AFAP1: variants seen among roughly 807,000 people sequenced by gnomAD.
AFAP1 encodes actin filament-associated protein 1.
A neutral mutation model predicts 93.9 loss-of-function variants in AFAP1; 75 were observed. The observed-to-expected ratio is 0.80, with a 90% CI of 0.66 to 0.97. AFAP1 has a LOEUF of 0.97. AFAP1 is among the 50% of genes least tolerant of loss of function. The pLI is 0.00. For synonymous variants in AFAP1, 517 were observed against 430.7 expected, an observed-to-expected ratio of 1.20 and a Z score of -2.48; for missense variants, 1,201 against 1,050.8, an observed-to-expected ratio of 1.14 and a Z score of -1.98.
chr4:7,931,101 C>T (rs543714615), intron 1 of AFAP1, among the ~76,000 whole-genome samples: 1 of 152,296 alleles, frequency 6.6e-6, no homozygotes, highest in African/African-American at 2.4e-5. Context: ...ACGTGGGCAA[C>T]AGGAGGAGCG....
In AFAP1 at chr4:7,875,176, C is replaced by T. The variant is rs147915919; in HGVS notation, c.-2-3096G>A. On this transcript the variant is annotated intron_variant, in intron 1 of 17. Transcript: ENST00000420658. ...TAAGCAAAAAAGTTTGAGAGCTGCTCGTCTGTGGGATTCTTCCAAATCTAC... is the reference window on the plus strand; with the variant it reads ...TAAGCAAAAAAGTTTGAGAGCTGCTTGTCTGTGGGATTCTTCCAAATCTAC... Among the ~76,000 whole-genome samples, 15 of 152,280 alleles carry T rather than the reference C, an allele frequency of 9.9e-5. No homozygotes were observed. In the East Asian group the frequency reaches 2.7e-3, roughly 27 times the overall value.
In AFAP1 at chr4:7,778,808, C is replaced by T. The variant is rs775279803; in HGVS notation, c.1851G>A (p.Gln617=). Residue 617 remains glutamine, a synonymous_variant, in exon 14 of 18, where the codon CAG becomes CAA. Transcript: ENST00000420658. ...VTGKGKTLSS[Q]PKKADPAAVV... ...CAGCCGCGGGATCCGCTTTCTTTGG[C>T]TGACTGCTCAGAGTCTTCCCTTTTC... 1.9e-6 allele frequency: 3 copies of T among 1,614,230 alleles called. No individual in the cohort carries two copies. The highest frequency in any genetic ancestry group is 2.5e-6 in the Non-Finnish European group (3 of 1,180,044).
intron 3 of AFAP1, among the ~76,000 whole-genome samples, chr4:7,865,480 T>G (rs1209844050): frequency 6.6e-6 from 1 of 152,256 alleles, no homozygotes; most frequent in Non-Finnish European, 1.5e-5. Context: ...GTTCTGACTA[T>G]GCCAGTAGAA....
At chr4:7,789,687 A>C (rs1717675553) in intron 11 of AFAP1, among the ~76,000 whole-genome samples, 6 of 114,076 alleles carry the variant, frequency 5.3e-5, no homozygotes, top group Admixed American at 2.8e-4. Flanking sequence ...TATCCTCACC[A>C]CCCCATCCAT....
intron 4 of AFAP1, 74 bp downstream of exon 4, chr4:7,855,392 C>T (rs1714931323): frequency 2.5e-6 from 3 of 1,216,356 alleles, no homozygotes; most frequent in Non-Finnish European, 3.5e-6. Flanking sequence ...CCTTCCTACC[C>T]AGAAAGGGGA....
At chr4:7,782,909 A>G (rs544304244) in intron 12 of AFAP1, among the ~76,000 whole-genome samples, 1 of 152,290 alleles carries the variant, frequency 6.6e-6, no homozygotes, top group Non-Finnish European at 1.5e-5. Context: ...CCTAGCATAT[A>G]TTTGTCCAGA....
At chr4:7,855,620 G>C in intron 3 of AFAP1, 46 bp from the exon 4 acceptor site, 1 of 1,455,530 alleles carries the variant, frequency 6.9e-7, no homozygotes, top group Non-Finnish European at 9.6e-7. Context: ...ATGACCATTA[G>C]AAGGAAATTC....
In AFAP1 at chr4:7,801,914, C is replaced by CAAAAAAAAAAAAAA. The variant is rs531684652; in HGVS notation, c.1055-1275_1055-1262dup. ...TGAGCAACACAGTGAGACCCTATCA[C>CAAAAAAAAAAAAAA]AAAAAAAAAAAAAAAAAAAAAAAAA... On this transcript the variant is annotated intron_variant, in intron 9 of 17. Coordinates refer to ENST00000420658, the MANE Select transcript of AFAP1 (RefSeq NM_001134647.2). 8.3e-4 allele frequency among the ~76,000 whole-genome samples: 54 copies of CAAAAAAAAAAAAAA among 65,198 alleles called. 2 individuals carry two copies. Among genetic ancestry groups the CAAAAAAAAAAAAAA allele is most frequent in the East Asian group, 4.7e-3 (5 of 1,070 alleles). The allele number at this position is 65,198 out of a possible 152,430, so 42.8% of individuals were successfully genotyped here.
intron 6 of AFAP1, among the ~76,000 whole-genome samples, chr4:7,823,838 A>G (rs1163803049): frequency 1.3e-5 from 2 of 152,232 alleles, no homozygotes; most frequent in Non-Finnish European, 2.9e-5. Context: ...AACCCAGAGC[A>G]GGCCCAGGAT....
Position 7,807,696 on chromosome 4 carries a change from G to A in AFAP1, c.1054+1918C>T, listed in dbSNP as rs529846038. The stretch of plus-strand genomic sequence containing the variant: ...TGCAAGACTCCTTCAACCACATGAC[G>A]CCTTCACTGCTGTCTGCCCAGACAA... On this transcript the variant is annotated intron_variant, in intron 9 of 17. Transcript: ENST00000420658. 7.9e-5 allele frequency among the ~76,000 whole-genome samples: 12 copies of A among 152,296 alleles called. 1 individual carries two copies. The South Asian group carries it at 1.9e-3, about 24-fold the overall frequency.
chr4:7,913,298 G>A (rs1719878630), intron 1 of AFAP1, among the ~76,000 whole-genome samples: 1 of 151,390 alleles, frequency 6.6e-6, no homozygotes, highest in South Asian at 2.1e-4. Context: ...GCTGAGGTGG[G>A]AGGATCTCTT....
In AFAP1 at chr4:7,932,766, A is replaced by G. The variant is rs1302210901; in HGVS notation, c.-3+6890T>C. On this transcript the variant is annotated intron_variant, in intron 1 of 17. Coordinates refer to ENST00000420658, the MANE Select transcript of AFAP1 (RefSeq NM_001134647.2). Reference sequence around the variant, plus strand: ...CTTCATGGCAGTGGCTCACGCCTGTAATTCCAGCATTTTGGAAGGCCAAGG... The same window carrying G: ...CTTCATGGCAGTGGCTCACGCCTGTGATTCCAGCATTTTGGAAGGCCAAGG... Among the ~76,000 whole-genome samples, 3 of 152,160 alleles carry G rather than the reference A, an allele frequency of 2.0e-5. No homozygotes were observed. The East Asian group carries it at 5.8e-4, about 29-fold the overall frequency.
At chr4:7,893,674 A>G (rs1718605046) in intron 1 of AFAP1, among the ~76,000 whole-genome samples, 1 of 151,648 alleles carries the variant, frequency 6.6e-6, no homozygotes, top group Admixed American at 6.6e-5. Context: ...GTGCTTCTCA[A>G]CCTTTCCTGG....
At chr4:7,795,647 G>A (rs181673735) in intron 10 of AFAP1, among the ~76,000 whole-genome samples, 11 of 151,778 alleles carry the variant, frequency 7.2e-5, no homozygotes, top group African/African-American at 2.7e-4. Context: ...GGATGGTCTC[G>A]ATCTCCTGAC....
chr4:7,782,184 G>C (rs1432279378), intron 12 of AFAP1, among the ~76,000 whole-genome samples: 2 of 152,244 alleles, frequency 1.3e-5, no homozygotes, highest in Non-Finnish European at 2.9e-5. Flanking sequence ...GAAAAAGGGG[G>C]AAATGGAAGC....
intron 6 of AFAP1, among the ~76,000 whole-genome samples, chr4:7,824,652 A>C (rs1428439816): frequency 6.6e-6 from 1 of 152,258 alleles, no homozygotes; most frequent in African/African-American, 2.4e-5. Flanking sequence ...CGTTTCACAG[A>C]AAGTCAAATC....
intron 8 of AFAP1, 42 bp from the exon 9 acceptor site, chr4:7,809,805 A>G (rs1040060783): frequency 1.3e-6 from 2 of 1,572,476 alleles, no homozygotes; most frequent in African/African-American, 1.4e-5. Context: ...TTTTAATTGT[A>G]GATATTAATT....
Position 7,868,606 on chromosome 4 carries a change from T to C in AFAP1, c.225+16A>G, listed in dbSNP as rs1560210567. The C allele has an allele frequency of 6.2e-7, 1 of 1,607,080 alleles. No individual in the cohort carries two copies. Among genetic ancestry groups the C allele is most frequent in the East Asian group, 2.2e-5 (1 of 44,600 alleles). ...CCTCCAGCGATGACCACTGAGATGG[T>C]GGGACCTTGACTCACCAGCCAGGGC... On this transcript the variant is annotated intron_variant, in intron 3 of 17. Transcript: ENST00000420658.
Position 7,879,319 on chromosome 4 carries a change from C to T in AFAP1, c.-2-7239G>A, listed in dbSNP as rs182573481. Among the ~76,000 whole-genome samples, 214 of 152,288 alleles carry T rather than the reference C, an allele frequency of 1.4e-3. 1 individual carries two copies. The highest frequency in any genetic ancestry group is 2.1e-3 in the Non-Finnish European group (141 of 68,032). ...CTAATCATCATTGAGATATTACAGA[C>T]GGTAGGAATCAAATGAACAGAGGTG... On this transcript the variant is annotated intron_variant, in intron 1 of 17. Coordinates refer to ENST00000420658, the MANE Select transcript of AFAP1 (RefSeq NM_001134647.2).
Sources: gnomAD v4.1 joint callset for allele counts (sites outside exome capture counted in the v4.1 genomes callset) on GRCh38, gnomAD v4.1.1 for gene constraint, MANE v1.5 for transcripts, NCBI Gene and HGNC (gene_info 2026-07-23, HGNC 2026-07-21) for gene names.